The following TENM2 variants were observed in gnomAD, a reference collection of about 807,000 sequenced individuals.
The protein encoded by TENM2 is teneurin-2.
Under a neutral mutation model 245.2 loss-of-function variants are expected in TENM2, and 52 were observed. The ratio of observed to expected loss-of-function variants is 0.21; its 90% confidence interval spans 0.17 to 0.27. The LOEUF is 0.27. TENM2 is among the 10% of genes least tolerant of loss of function. The probability of loss-of-function intolerance (pLI) is 1.00; values close to 1 mark genes in which losing one functional copy is unlikely to be tolerated. For missense variants in TENM2, 3,046 were observed against 3,666.8 expected (o/e 0.83, Z 4.37); for synonymous variants, 1,363 against 1,438.9 (o/e 0.95, Z 1.19).
intron 2 of TENM2, among the ~76,000 whole-genome samples, chr5:167,431,475 T>C (rs906340047): frequency 1.3e-5 from 2 of 152,150 alleles, no homozygotes; most frequent in African/African-American, 4.8e-5. Flanking sequence ...ATTTTAAAAA[T>C]GAGAGTACTT....
the TENM2 span, among the ~76,000 whole-genome samples, chr5:167,224,383 G>T: frequency 6.6e-6 from 1 of 151,918 alleles, no homozygotes; most frequent in Non-Finnish European, 1.5e-5. Context: ...AGAGATAGGT[G>T]TTGAGTCTCA....
intron 9 of TENM2, among the ~76,000 whole-genome samples, chr5:168,109,034 T>C (rs1794469063): frequency 1.3e-5 from 2 of 152,164 alleles, no homozygotes; most frequent in African/African-American, 2.4e-5. Context: ...CCATCATTCA[T>C]ACCCATCTCC....
At chr5:168,007,670 T>A (rs1784929684) in intron 5 of TENM2, among the ~76,000 whole-genome samples, 1 of 152,232 alleles carries the variant, frequency 6.6e-6, no homozygotes, top group South Asian at 2.1e-4. Flanking sequence ...CTTGACACAC[T>A]GAAACGAACG....
chr5:167,014,645 C>T, the TENM2 span, among the ~76,000 whole-genome samples: 1 of 152,148 alleles, frequency 6.6e-6, no homozygotes, highest in Non-Finnish European at 1.5e-5. Context: ...CTGGGTACTC[C>T]AAAGTGAACA....
At chr5:168,200,487 A>G (rs1761841874) in intron 17 of TENM2, among the ~76,000 whole-genome samples, 1 of 152,200 alleles carries the variant, frequency 6.6e-6, no homozygotes, top group Non-Finnish European at 1.5e-5. Context: ...TGAAAATCAG[A>G]AGAAGAGGAT....
chr5:167,687,728 G>A (rs1175950129), intron 2 of TENM2, among the ~76,000 whole-genome samples: 1 of 152,124 alleles, frequency 6.6e-6, no homozygotes. Context: ...ATTTGGTACA[G>A]CAAAAGGAAG....
At chr5:167,568,646 GGTGTGTGT>G (rs3138740) in intron 2 of TENM2, among the ~76,000 whole-genome samples, 28 of 142,614 alleles carry the variant, frequency 2.0e-4, no homozygotes, top group African/African-American at 4.1e-4. Flanking sequence ...CAGAGACCAT[GGTGTGTGT>G]GTGTGTGTGT....
chr5:167,966,951 G>T (rs973754538), intron 4 of TENM2: 11 of 152,120 alleles, frequency 7.2e-5, no homozygotes, highest in African/African-American at 2.4e-4. Context: ...GAGACCTTTA[G>T]ATTAGCCTTT....
intron 2 of TENM2, among the ~76,000 whole-genome samples, chr5:167,514,319 C>G (rs766796284): frequency 6.6e-6 from 1 of 152,104 alleles, no homozygotes; most frequent in Non-Finnish European, 1.5e-5. Context: ...GGCCCCATCA[C>G]CTTCCTAGAA....
the TENM2 span, among the ~76,000 whole-genome samples, chr5:167,002,481 A>T: frequency 6.6e-6 from 1 of 152,056 alleles, no homozygotes; most frequent in Non-Finnish European, 1.5e-5. Flanking sequence ...CTGGAGTAAA[A>T]TAAAATATAG....
At chr5:167,478,735 A>G (rs1184918805) in intron 2 of TENM2, among the ~76,000 whole-genome samples, 1 of 152,198 alleles carries the variant, frequency 6.6e-6, no homozygotes, top group Non-Finnish European at 1.5e-5. Flanking sequence ...AGATATTAGT[A>G]GCAAACCATT....
intron 2 of TENM2, among the ~76,000 whole-genome samples, chr5:167,793,412 T>G (rs998720273): frequency 6.6e-6 from 1 of 152,186 alleles, no homozygotes. Context: ...AAATACTTAA[T>G]AAATATATAG....
intron 3 of TENM2, among the ~76,000 whole-genome samples, chr5:167,902,824 C>T (rs1775814243): frequency 6.6e-6 from 1 of 152,166 alleles, no homozygotes; most frequent in African/African-American, 2.4e-5. Context: ...AGGAGCAGGA[C>T]ATTTAGGTTG....
chr5:167,383,023 G>C (rs761813655), intron 2 of TENM2, among the ~76,000 whole-genome samples: 1 of 151,948 alleles, frequency 6.6e-6, no homozygotes, highest in Non-Finnish European at 1.5e-5. Flanking sequence ...TGGGGTGGGG[G>C]GACTTATTTC....
chr5:167,361,510 C>A (rs1453148687), intron 1 of TENM2, among the ~76,000 whole-genome samples: 2 of 152,198 alleles, frequency 1.3e-5, no homozygotes, highest in African/African-American at 2.4e-5. Context: ...AAGACCAAGG[C>A]TATTATTTCT....
intron 2 of TENM2, among the ~76,000 whole-genome samples, chr5:167,613,292 A>G (rs1466850282): frequency 1.3e-5 from 2 of 152,136 alleles, no homozygotes; most frequent in Non-Finnish European, 2.9e-5. Flanking sequence ...TACTATGAGG[A>G]TAATCTGCAT....
At chr5:168,122,985 A>C (rs540827043) in intron 10 of TENM2, among the ~76,000 whole-genome samples, 1 of 152,302 alleles carries the variant, frequency 6.6e-6, no homozygotes, top group Non-Finnish European at 1.5e-5. Flanking sequence ...ATTTAGAGCC[A>C]ATACGTCATC....
intron 2 of TENM2, among the ~76,000 whole-genome samples, chr5:167,449,084 T>G (rs1765400644): frequency 6.6e-6 from 1 of 152,182 alleles, no homozygotes; most frequent in East Asian, 1.9e-4. Context: ...AAATAGAAAC[T>G]TTTAAATTAA....
At chr5:166,995,677 G>A in the TENM2 span, among the ~76,000 whole-genome samples, 3 of 151,596 alleles carry the variant, frequency 2.0e-5, no homozygotes, top group South Asian at 2.1e-4. Flanking sequence ...TTAGCCAGGC[G>A]TGGTGGCAGG....
Sources: allele counts gnomAD v4.1 joint callset (sites outside exome capture counted in the v4.1 genomes callset), GRCh38; gene constraint gnomAD v4.1.1; transcripts MANE v1.5; gene names NCBI Gene and HGNC (gene_info 2026-07-23, HGNC 2026-07-21).